INTS7: variants seen among roughly 807,000 people sequenced by gnomAD.
INTS7 encodes the protein chromosome 1 open reading frame 73.
In INTS7, 46 loss-of-function variants were observed where a neutral mutation model predicts 109.2. The observed-to-expected ratio is 0.42, with a 90% CI of 0.33 to 0.54. The LOEUF is 0.54. Ranked by LOEUF, INTS7 falls within the 20% of genes least tolerant of loss-of-function variation. The pLI is 0.07. For synonymous variants in INTS7, 412 were observed against 402.9 expected (o/e 1.02, Z -0.27); for missense variants, 929 against 1,132.4 (o/e 0.82, Z 2.58).
At position 211,978,385 on chromosome 1, in the gene INTS7, G is replaced by A. The variant is rs1269574488; in HGVS notation, c.1357C>T (p.Leu453=). 6.8e-6 allele frequency: 11 copies of A among 1,614,066 alleles called. No homozygotes were observed. The African/African-American group carries it at 1.5e-4, about 22-fold the overall frequency. ...GGCAGTTGCATGGCAATGGCTGCCAGGCAATGGCACATCAAAATCCGGGCA... is the reference window on the plus strand; with the variant it reads ...GGCAGTTGCATGGCAATGGCTGCCAAGCAATGGCACATCAAAATCCGGGCA... The part of the protein sequence containing the change: ...DAARILMCHC[L]AAIAMQLPVL... Residue 453 remains leucine (L), a synonymous_variant, in exon 11 of 20, where the codon CTG becomes TTG. Transcript: ENST00000366994.
At chr1:211,958,348 G>A (rs993570145) in intron 16 of INTS7, among the ~76,000 whole-genome samples, 1 of 152,030 alleles carries the variant, frequency 6.6e-6, no homozygotes, top group East Asian at 1.9e-4. Flanking sequence ...CTTTTGGCTT[G>A]TAATATTTCT....
Position 211,941,799 on chromosome 1 carries a change from A to G in INTS7, c.*25T>C, listed in dbSNP as rs757970476. 22 of 1,607,310 alleles carry G rather than the reference A, an allele frequency of 1.4e-5. No homozygotes were observed. The highest frequency in any genetic ancestry group is 1.7e-5 in the Non-Finnish European group (20 of 1,176,222). ...CTGGCAATTTGATTGATCTCTTGAG[A>G]GTCTGCAGTGCATTCATTCCATGGT... On this transcript the variant is annotated 3_prime_UTR_variant, in exon 20 of 20. Transcript: ENST00000366994.
intron 10 of INTS7, among the ~76,000 whole-genome samples, chr1:211,980,592 T>C (rs1009523242): frequency 3.9e-5 from 6 of 152,062 alleles, no homozygotes; most frequent in Non-Finnish European, 7.4e-5. Context: ...TGCCCCAATA[T>C]GTCCAGCTAA....
intron 13 of INTS7, among the ~76,000 whole-genome samples, chr1:211,970,511 A>G (rs1335538279): frequency 6.6e-6 from 1 of 152,242 alleles, no homozygotes; most frequent in Non-Finnish European, 1.5e-5. Flanking sequence ...TCTAGAAGTC[A>G]GTTACAATAT....
intron 7 of INTS7, among the ~76,000 whole-genome samples, chr1:212,003,195 C>T (rs1665753742): frequency 6.6e-6 from 1 of 150,532 alleles, no homozygotes; most frequent in Admixed American, 6.7e-5. Flanking sequence ...AGACACCAAT[C>T]TTCTGATTCA....
intron 12 of INTS7, 31 bp from the exon 13 acceptor site, chr1:211,975,403 T>C (rs1290995849): frequency 2.0e-6 from 3 of 1,537,852 alleles, no homozygotes; most frequent in Middle Eastern, 3.4e-4. Context: ...GAAAAAAGAA[T>C]AGAAGGAGCA....
At chr1:212,022,345 A>C (rs1666743879) in intron 1 of INTS7, among the ~76,000 whole-genome samples, 1 of 152,260 alleles carries the variant, frequency 6.6e-6, no homozygotes, top group African/African-American at 2.4e-5. Flanking sequence ...TCTGCTCTTC[A>C]AAAGACACTG....
At chr1:211,965,977 G>A (rs1164248727) in intron 16 of INTS7, 1 of 153,628 alleles carries the variant, frequency 6.5e-6, no homozygotes, top group Non-Finnish European at 1.4e-5. Flanking sequence ...TTCCAAAAGA[G>A]AATACTATAA....
intron 11 of INTS7, 37 bp downstream of exon 11, chr1:211,978,235 C>T: frequency 6.2e-7 from 1 of 1,611,332 alleles, no homozygotes; most frequent in African/African-American, 1.3e-5. Flanking sequence ...AGACCAGATC[C>T]TAGTCATTCA....
At chr1:212,020,594 ACTT>A (rs1666647083) in intron 2 of INTS7, 3 of 276,002 alleles carry the variant, frequency 1.1e-5, no homozygotes, top group Non-Finnish European at 1.8e-5. Flanking sequence ...TTATTCCACA[ACTT>A]CTTTTCTCCT....
intron 15 of INTS7, among the ~76,000 whole-genome samples, chr1:211,967,190 C>T (rs539706485): frequency 2.4e-4 from 36 of 152,164 alleles, no homozygotes; most frequent in Admixed American, 4.6e-4. Flanking sequence ...AGGCTGGGCA[C>T]GGTGGCTCAC....
chr1:211,945,312 G>A (rs1314565390), intron 18 of INTS7, among the ~76,000 whole-genome samples: 1 of 152,062 alleles, frequency 6.6e-6, no homozygotes, highest in African/African-American at 2.4e-5. Flanking sequence ...CATTACCTAA[G>A]AGCTGTCTCT....
chr1:212,023,004 T>C (rs1666774098), intron 1 of INTS7, among the ~76,000 whole-genome samples: 1 of 152,194 alleles, frequency 6.6e-6, no homozygotes, highest in Non-Finnish European at 1.5e-5. Context: ...ACCTACAGTA[T>C]TTGGTTTTCT....
At chr1:212,009,604 T>C (rs1288780373) in intron 5 of INTS7, among the ~76,000 whole-genome samples, 1 of 152,198 alleles carries the variant, frequency 6.6e-6, no homozygotes, top group African/African-American at 2.4e-5. Flanking sequence ...CCCTTAGAGG[T>C]ATGGTAAAAG....
At chr1:211,962,123 G>A (rs1663657987) in intron 16 of INTS7, among the ~76,000 whole-genome samples, 1 of 151,934 alleles carries the variant, frequency 6.6e-6, no homozygotes, top group African/African-American at 2.4e-5. Flanking sequence ...TATGCCAAGA[G>A]TCTCATCTCA....
chr1:212,006,440 A>C (rs1665912281), intron 7 of INTS7, among the ~76,000 whole-genome samples, 199 bp downstream of exon 7: 1 of 152,236 alleles, frequency 6.6e-6, no homozygotes, highest in Non-Finnish European at 1.5e-5. Flanking sequence ...TGACTAAAAC[A>C]AACATTGAAG....
chr1:212,005,283 T>C (rs560007840), intron 7 of INTS7, among the ~76,000 whole-genome samples: 40 of 152,172 alleles, frequency 2.6e-4, no homozygotes, highest in African/African-American at 9.2e-4. Context: ...GTGAAGAAGG[T>C]AAAAGAAGAG....
At chr1:212,032,216 A>T (rs1270515104) in intron 1 of INTS7, among the ~76,000 whole-genome samples, 2 of 151,466 alleles carry the variant, frequency 1.3e-5, no homozygotes, top group African/African-American at 4.9e-5. Flanking sequence ...ACACATTTTC[A>T]GTGTCACCAT....
At chr1:212,031,146 C>CT (rs1667142438) in intron 1 of INTS7, among the ~76,000 whole-genome samples, 1 of 152,164 alleles carries the variant, frequency 6.6e-6, no homozygotes, top group Non-Finnish European at 1.5e-5. Flanking sequence ...CTGCTCTCTT[C>CT]CCCATTGCTT....
Sources: allele counts gnomAD v4.1 joint callset (sites outside exome capture counted in the v4.1 genomes callset), GRCh38; gene constraint gnomAD v4.1.1; transcripts MANE v1.5; gene names NCBI Gene and HGNC (gene_info 2026-07-23, HGNC 2026-07-21).